Variants in OXR1 observed in about 807,000 individuals in gnomAD.
OXR1 encodes oxidation resistance 1.
A neutral mutation model predicts 104.6 loss-of-function variants in OXR1; 41 were observed. The observed-to-expected ratio is 0.39, with a 90% CI of 0.31 to 0.51. OXR1 has a LOEUF of 0.51. OXR1 is among the 20% of genes least tolerant of loss of function. The pLI is 0.77. For missense variants in OXR1, 955 were observed against 1,031.9 expected (o/e 0.93, Z 1.02); for synonymous variants, 348 against 348.4 (o/e 1.00, Z 0.01).
intron 1 of OXR1, among the ~76,000 whole-genome samples, chr8:106,281,562 G>C (rs1812284302): frequency 6.6e-6 from 1 of 152,088 alleles, no homozygotes; most frequent in African/African-American, 2.4e-5. Context: ...CAGGACTTTG[G>C]GAGGCCAAAG....
chr8:106,594,817 T>G (rs1819389386), intron 3 of OXR1, among the ~76,000 whole-genome samples: 2 of 152,110 alleles, frequency 1.3e-5, no homozygotes, highest in South Asian at 4.1e-4. Flanking sequence ...CCTTGGAAGG[T>G]GCTCAGTATT....
At chr8:106,593,958 G>A (rs968748754) in intron 3 of OXR1, among the ~76,000 whole-genome samples, 9 of 152,170 alleles carry the variant, frequency 5.9e-5, no homozygotes, top group African/African-American at 1.9e-4. Context: ...ATAGGCTGTG[G>A]TTTGTGTAAA....
At chr8:106,608,330 G>GA (rs999862253) in intron 3 of OXR1, among the ~76,000 whole-genome samples, 29 of 150,446 alleles carry the variant, frequency 1.9e-4, no homozygotes, top group African/African-American at 6.3e-4. Flanking sequence ...CAAAAACGAT[G>GA]AAAAAAAAAT....
intron 3 of OXR1, among the ~76,000 whole-genome samples, chr8:106,652,295 C>T (rs1468355382): frequency 6.6e-6 from 1 of 151,834 alleles, no homozygotes; most frequent in Non-Finnish European, 1.5e-5. Context: ...TATGGATTTT[C>T]AAGAAATTCA....
chr8:106,453,213 T>C (rs1039321002), intron 2 of OXR1, among the ~76,000 whole-genome samples: 19 of 152,166 alleles, frequency 1.2e-4, no homozygotes, highest in Non-Finnish European at 8.8e-5. Flanking sequence ...CATAATCACA[T>C]TGGTGTCATC....
intron 1 of OXR1, among the ~76,000 whole-genome samples, chr8:106,289,836 C>T (rs1812674887): frequency 6.6e-6 from 1 of 152,150 alleles, no homozygotes; most frequent in Non-Finnish European, 1.5e-5. Flanking sequence ...ACTGAATCAT[C>T]GGGGCTGTTA....
intron 2 of OXR1, among the ~76,000 whole-genome samples, chr8:106,362,270 C>G (rs1290352579): frequency 6.6e-6 from 1 of 152,072 alleles, no homozygotes; most frequent in Non-Finnish European, 1.5e-5. Context: ...TATTAGTTGA[C>G]CATATCCACG....
intron 3 of OXR1, among the ~76,000 whole-genome samples, chr8:106,628,342 C>T (rs1488960368): frequency 6.6e-6 from 1 of 152,104 alleles, no homozygotes; most frequent in Non-Finnish European, 1.5e-5. Context: ...GGAATTTATA[C>T]ATATTCTCTC....
chr8:106,680,780 T>C (rs978462921), intron 4 of OXR1, among the ~76,000 whole-genome samples: 3 of 152,178 alleles, frequency 2.0e-5, no homozygotes, highest in Admixed American at 2.0e-4. Context: ...CTACTATCAC[T>C]TCATACTAAA....
chr8:106,613,704 T>C (rs1270634508), intron 3 of OXR1, among the ~76,000 whole-genome samples: 1 of 152,248 alleles, frequency 6.6e-6, no homozygotes, highest in Non-Finnish European at 1.5e-5. Context: ...CAGCCTGTTA[T>C]GTCCTATACA....
Position 106,702,954 on chromosome 8 carries a change from G to C in OXR1, c.724G>C (p.Asp242His). The C allele has an allele frequency of 6.2e-7, 1 of 1,613,746 alleles. No homozygotes were observed. Among genetic ancestry groups the C allele is most frequent in the African/African-American group, 1.3e-5 (1 of 75,002 alleles). Reference sequence around the variant, plus strand: ...AGTTACACCAAATAATATAATGTTTGATCCACATAAAAATGACCCTTTGGT... The same window carrying C: ...AGTTACACCAAATAATATAATGTTTCATCCACATAAAAATGACCCTTTGGT... ...LLVTPNNIMF[D>H]PHKNDPLVQE... Residue 242 changes from aspartate to histidine, a missense_variant, in exon 8 of 17, where the codon GAT becomes CAT. Around this residue, in one of 2 missense-constraint regions of OXR1, gnomAD observed 849 missense variants for 852.9 expected, o/e 1.00. Transcript: ENST00000517566.
intron 2 of OXR1, among the ~76,000 whole-genome samples, chr8:106,409,351 G>C (rs1435869250): frequency 2.0e-5 from 3 of 152,132 alleles, no homozygotes; most frequent in African/African-American, 4.8e-5. Flanking sequence ...CATAATCTCA[G>C]TGACTCTGGA....
At chr8:106,715,616 T>A (rs776514365) in intron 11 of OXR1, among the ~76,000 whole-genome samples, 1 of 152,012 alleles carries the variant, frequency 6.6e-6, no homozygotes, top group Non-Finnish European at 1.5e-5. Context: ...ATTAGCTAGC[T>A]AATTACACAG....
At chr8:106,633,593 T>C (rs1226456415) in intron 3 of OXR1, among the ~76,000 whole-genome samples, 1 of 152,112 alleles carries the variant, frequency 6.6e-6, no homozygotes, top group African/African-American at 2.4e-5. Flanking sequence ...TATTATCTAA[T>C]TTATTTTTGG....
intron 3 of OXR1, among the ~76,000 whole-genome samples, chr8:106,597,507 A>C (rs969381406): frequency 6.6e-6 from 1 of 152,216 alleles, no homozygotes; most frequent in Non-Finnish European, 1.5e-5. Flanking sequence ...TAACACAAAC[A>C]GTTCTACAAA....
At chr8:106,362,857 G>A (rs1012681641) in intron 2 of OXR1, among the ~76,000 whole-genome samples, 1 of 152,194 alleles carries the variant, frequency 6.6e-6, no homozygotes, top group Non-Finnish European at 1.5e-5. Context: ...TAAAATAGTG[G>A]GAACTTAGTG....
intron 11 of OXR1, among the ~76,000 whole-genome samples, chr8:106,733,016 T>A (rs1229495697): frequency 2.0e-5 from 3 of 152,138 alleles, no homozygotes; most frequent in African/African-American, 4.8e-5. Flanking sequence ...GTGCTTTCTG[T>A]TTTAGGAGGT....
chr8:106,544,092 ATTT>A (rs1815161411), intron 3 of OXR1, among the ~76,000 whole-genome samples: 1 of 151,706 alleles, frequency 6.6e-6, no homozygotes, highest in Admixed American at 6.6e-5. Context: ...GCAGAATTTT[ATTT>A]TTTTCCCAAA....
At chr8:106,698,129 G>A (rs1194143814) in intron 7 of OXR1, 2 of 642,422 alleles carry the variant, frequency 3.1e-6, no homozygotes, top group Non-Finnish European at 5.5e-6. Flanking sequence ...TTTCTACCCA[G>A]ATATCCTCTT....
Sources: gnomAD v4.1 joint callset for allele counts (sites outside exome capture counted in the v4.1 genomes callset) on GRCh38, gnomAD v4.1.1 for gene constraint, gnomAD v4.1.1 regional missense constraint, MANE v1.5 for transcripts, NCBI Gene and HGNC (gene_info 2026-07-23, HGNC 2026-07-21) for gene names.